LRRTM3: variants seen among roughly 807,000 people sequenced by gnomAD.
LRRTM3 encodes the protein leucine rich repeat transmembrane neuronal 3.
LRRTM3 carries 24 observed loss-of-function variants against 44.7 expected under a neutral mutation model. The ratio of observed to expected loss-of-function variants is 0.54; its 90% confidence interval spans 0.39 to 0.76. LRRTM3 has a LOEUF of 0.76. Ranked by LOEUF, LRRTM3 falls within the 30% of genes least tolerant of loss-of-function variation. LRRTM3 has a pLI of 0.00. For missense variants in LRRTM3, 587 were observed against 702.2 expected (o/e 0.84, Z 1.85); for synonymous variants, 277 against 278.7 (o/e 0.99, Z 0.06).
At chr10:67,000,381 C>A (rs983588699) in intron 2 of LRRTM3, among the ~76,000 whole-genome samples, 1 of 152,150 alleles carries the variant, frequency 6.6e-6, no homozygotes, top group African/African-American at 2.4e-5. Flanking sequence ...GGCGAATTGG[C>A]ACAAGAAGGT....
At chr10:67,039,877 C>A (rs1415400727) in intron 2 of LRRTM3, among the ~76,000 whole-genome samples, 1 of 152,076 alleles carries the variant, frequency 6.6e-6, no homozygotes, top group Non-Finnish European at 1.5e-5. Context: ...AATCTGAATA[C>A]CTATGACCTC....
At chr10:66,951,365 C>T (rs1848531209) in intron 2 of LRRTM3, among the ~76,000 whole-genome samples, 1 of 152,212 alleles carries the variant, frequency 6.6e-6, no homozygotes. Flanking sequence ...ATCCATCCGC[C>T]TCTGCCTCCC....
In LRRTM3 at chr10:66,951,832, G is replaced by C. The variant is rs181416995; in HGVS notation, c.1536+23380G>C. Among the ~76,000 whole-genome samples the C allele has an allele frequency of 6.3e-3, 952 of 152,282 alleles. 3 individuals carry two copies. The highest frequency in any genetic ancestry group is 0.017 in the Middle Eastern group (5 of 294). On this transcript the variant is annotated intron_variant, in intron 2 of 2. Coordinates refer to ENST00000361320, the MANE Select transcript of LRRTM3 (RefSeq NM_178011.5). ...GAGGTAGGGGATGCATACAGAGATA[G>C]GCTCATCTCACCTGGCCTGATTAAG...
At chr10:67,042,012 G>A (rs754164468) in intron 2 of LRRTM3, among the ~76,000 whole-genome samples, 11 of 152,124 alleles carry the variant, frequency 7.2e-5, no homozygotes, top group African/African-American at 2.2e-4. Flanking sequence ...CTTAAAGTAC[G>A]TGTGAAGGGA....
rs2131934984 is a variant in LRRTM3 at position 67,097,954 on chromosome 10, G to C, written c.*158G>C. On this transcript the variant is annotated 3_prime_UTR_variant, in exon 3 of 3. Coordinates refer to ENST00000361320, the MANE Select transcript of LRRTM3 (RefSeq NM_178011.5). ...CAAGATTGATTCATGAAATAAAGAA[G>C]ACATGAATTGTTTTAAGTCTACACT... is the stretch of plus-strand genomic sequence containing the variant. The C allele has an allele frequency of 1.5e-6, 1 of 651,440 alleles. No homozygotes were observed. Among genetic ancestry groups the C allele is most frequent in the Admixed American group, 2.9e-5 (1 of 34,910 alleles). 40.4% of individuals were successfully genotyped at this position (651,440 alleles called of 1,614,324 possible).
intron 2 of LRRTM3, among the ~76,000 whole-genome samples, chr10:67,094,300 G>A (rs547810481): frequency 2.3e-4 from 35 of 151,740 alleles, no homozygotes; most frequent in African/African-American, 8.2e-4. Context: ...ATATTCTAAC[G>A]AAATAAGTAT....
chr10:67,016,325 C>G (rs185398282), intron 2 of LRRTM3, among the ~76,000 whole-genome samples: 2 of 152,320 alleles, frequency 1.3e-5, no homozygotes, highest in African/African-American at 4.8e-5. Flanking sequence ...CATCTTCTTT[C>G]CAAATATTTT....
At chr10:67,002,845 TA>T (rs1481046602) in intron 2 of LRRTM3, among the ~76,000 whole-genome samples, 5 of 152,054 alleles carry the variant, frequency 3.3e-5, no homozygotes, top group African/African-American at 1.2e-4. Flanking sequence ...TTCATATAAA[TA>T]AAAAACAATT....
intron 2 of LRRTM3, among the ~76,000 whole-genome samples, chr10:67,053,695 G>C (rs1326065379): frequency 6.6e-6 from 1 of 152,092 alleles, no homozygotes; most frequent in Non-Finnish European, 1.5e-5. Context: ...AGTCCTTGAA[G>C]AGCAAAAACA....
intron 2 of LRRTM3, among the ~76,000 whole-genome samples, chr10:67,072,817 G>A (rs114969035): frequency 6.6e-6 from 1 of 151,974 alleles, no homozygotes; most frequent in African/African-American, 2.4e-5. Flanking sequence ...TTTGAGTTTG[G>A]TGTCTCCAGG....
intron 2 of LRRTM3, among the ~76,000 whole-genome samples, chr10:67,009,970 G>A (rs2133032660): frequency 6.6e-6 from 1 of 152,242 alleles, no homozygotes; most frequent in South Asian, 2.1e-4. Flanking sequence ...TGTCATTCTA[G>A]TATAGATTCT....
At chr10:67,040,366 A>G (rs1003470264) in intron 2 of LRRTM3, among the ~76,000 whole-genome samples, 3 of 152,226 alleles carry the variant, frequency 2.0e-5, no homozygotes, top group South Asian at 4.1e-4. Context: ...GTAACTAGGT[A>G]AAGATTGTAC....
chr10:67,017,231 T>C (rs1424191380), intron 2 of LRRTM3, among the ~76,000 whole-genome samples: 1 of 152,222 alleles, frequency 6.6e-6, no homozygotes, highest in African/African-American at 2.4e-5. Flanking sequence ...AGGGCTATGT[T>C]AGATCTAAAA....
At chr10:67,053,925 T>A (rs1476074863) in intron 2 of LRRTM3, among the ~76,000 whole-genome samples, 1 of 152,170 alleles carries the variant, frequency 6.6e-6, no homozygotes, top group Non-Finnish European at 1.5e-5. Flanking sequence ...AAATGGTCAA[T>A]GAGACTCTGG....
At chr10:67,017,536 T>C (rs1852730716) in intron 2 of LRRTM3, among the ~76,000 whole-genome samples, 1 of 152,150 alleles carries the variant, frequency 6.6e-6, no homozygotes. Context: ...CCATCCTCTA[T>C]GGTTCGGCCT....
chr10:67,023,142 A>T (rs891444342), intron 2 of LRRTM3, among the ~76,000 whole-genome samples: 1 of 152,162 alleles, frequency 6.6e-6, no homozygotes, highest in Non-Finnish European at 1.5e-5. Flanking sequence ...TGACAAGTAG[A>T]TTCTAATATT....
chr10:67,028,851 A>G (rs1853552967), intron 2 of LRRTM3, among the ~76,000 whole-genome samples: 1 of 152,148 alleles, frequency 6.6e-6, no homozygotes, highest in South Asian at 2.1e-4. Flanking sequence ...TGAGTAGACT[A>G]TTAGTAGTTT....
intron 2 of LRRTM3, among the ~76,000 whole-genome samples, chr10:67,034,925 T>C (rs1244154287): frequency 2.6e-5 from 4 of 152,218 alleles, no homozygotes; most frequent in Non-Finnish European, 5.9e-5. Context: ...TGCTATTTCT[T>C]CTGGCCTTCT....
chr10:66,963,201 C>CT (rs1849214854), intron 2 of LRRTM3, among the ~76,000 whole-genome samples: 1 of 152,182 alleles, frequency 6.6e-6, no homozygotes, highest in Non-Finnish European at 1.5e-5. Context: ...CTCACAACCA[C>CT]ATGGGACAGT....
Sources: gnomAD v4.1 joint callset for allele counts (sites outside exome capture counted in the v4.1 genomes callset) on GRCh38, gnomAD v4.1.1 for gene constraint, MANE v1.5 for transcripts, NCBI Gene and HGNC (gene_info 2026-07-23, HGNC 2026-07-21) for gene names.